The following MIER3 variants were observed in gnomAD, a reference collection of about 807,000 sequenced individuals.
MIER3 encodes the protein mesoderm induction early response protein 3.
MIER3 carries 9 observed loss-of-function variants against 63.2 expected under a neutral mutation model. The ratio of observed to expected loss-of-function variants is 0.14; its 90% CI spans 0.09 to 0.25. The LOEUF is 0.25. MIER3 is among the 10% of genes least tolerant of loss of function. The pLI is 1.00. For missense variants in MIER3, 512 were observed against 666.2 expected (o/e 0.77, Z 2.55); for synonymous variants, 205 against 224.9 (o/e 0.91, Z 0.79).
chr5:56,931,832 A>C (rs1262232185), intron 8 of MIER3, among the ~76,000 whole-genome samples: 1 of 152,212 alleles, frequency 6.6e-6, no homozygotes, highest in East Asian at 1.9e-4. Flanking sequence ...AAACCACTCC[A>C]TAAATGTATG....
chr5:56,935,141 A>C (rs1228057387), intron 7 of MIER3, among the ~76,000 whole-genome samples: 2 of 152,162 alleles, frequency 1.3e-5, no homozygotes, highest in Non-Finnish European at 2.9e-5. Context: ...GATGAAGGCC[A>C]AGGTACAGCA....
Position 56,921,491 on chromosome 5 carries a change from A to T in MIER3, c.*1637T>A, listed in dbSNP as rs1749671253. ...ACTTTTTGTCCACTGTGCTAAACTA[A>T]ATTTTATACTAATGTGCTACTGCGT... On this transcript the variant is annotated 3_prime_UTR_variant, in exon 13 of 13. Transcript: ENST00000381199. 5 of 152,750 alleles carry T rather than the reference A, an allele frequency of 3.3e-5. No homozygotes were observed. The South Asian group carries it at 1.0e-3, about 32-fold the overall frequency. The allele number at this position is 152,750 out of a possible 1,614,324, so 9.5% of individuals were successfully genotyped here.
intron 3 of MIER3, among the ~76,000 whole-genome samples, chr5:56,939,466 T>C (rs1750565786): frequency 6.6e-6 from 1 of 152,242 alleles, no homozygotes; most frequent in South Asian, 2.1e-4. Flanking sequence ...TTGCTGAATG[T>C]TTACTAACAT....
In MIER3 at chr5:56,935,688, T is replaced by C. The variant is rs926415322; in HGVS notation, c.500A>G (p.Asn167Ser). 1.2e-6 allele frequency: 2 copies of C among 1,614,050 alleles called. No individual in the cohort carries two copies. Among genetic ancestry groups the C allele is most frequent in the African/African-American group, 2.7e-5 (2 of 75,070 alleles). ...TACCTTCCTCAAATCTTCAGGTGAA[T>C]TACCACTGTCTGTTTCAACATCTTC... ...EVEDVETDSG[N>S]SPEDLRKEIM... The change falls in exon 6 of 13, where the codon AAT (asparagine) becomes AGT (serine). Residue 167 changes from asparagine (N) to serine (S), a missense_variant. By Grantham distance (46) the Asn-to-Ser change is conservative. Around this residue, in one of 5 missense-constraint regions of MIER3, gnomAD observed 118 missense variants for 133.6 expected, o/e 0.88. Coordinates refer to ENST00000381199, the MANE Select transcript of MIER3 (RefSeq NM_001297599.2).
At position 56,921,932 on chromosome 5, in the gene MIER3, AT is replaced by A. The variant is rs1186977735; in HGVS notation, c.*1195del. 1 of 152,586 alleles carries A rather than the reference AT, an allele frequency of 6.6e-6. No homozygotes were observed. Among genetic ancestry groups the A allele is most frequent in the Non-Finnish European group, 1.5e-5 (1 of 67,990 alleles). The allele number at this position is 152,586 out of a possible 1,614,324, so 9.5% of individuals were successfully genotyped here. On this transcript the variant is annotated 3_prime_UTR_variant, in exon 13 of 13. Transcript: ENST00000381199. The stretch of plus-strand genomic sequence containing the variant: ...AGGACAATGGCTTCTCATTCACAAT[AT>A]TTGGAATAAAAATAAAACTGAGTTT...
At chr5:56,930,583 T>C (rs252890) in intron 9 of MIER3, 81 bp downstream of exon 9, 654,075 of 1,134,892 alleles carry the variant, frequency 0.58, 200,211 homozygotes, top group Non-Finnish European at 0.65. Flanking sequence ...GATTGCTCTG[T>C]CCCTTAGGAT....
rs777014337 is a variant in MIER3 at position 56,929,005 on chromosome 5, A to ACACACACACACACT, written c.830-145_830-144insAGTGTGTGTGTGTG. ...CACTCTCTCTCTCACACACACACAC[A>ACACACACACACACT]CTCTCTCTCTCTCTCTCTCTCTGTA... On this transcript the variant is annotated intron_variant, in intron 9 of 12. Coordinates refer to ENST00000381199, the MANE Select transcript of MIER3 (RefSeq NM_001297599.2). The ACACACACACACACT allele has an allele frequency of 5.0e-3, 2,564 of 510,684 alleles. 72 individuals carry two copies. Among genetic ancestry groups the ACACACACACACACT allele is most frequent in the African/African-American group, 0.046 (2,301 of 49,910 alleles). The allele number at this position is 510,684 out of a possible 1,614,324, so 31.6% of individuals were successfully genotyped here.
intron 3 of MIER3, among the ~76,000 whole-genome samples, chr5:56,942,909 G>A (rs1297488409): frequency 2.0e-5 from 3 of 152,118 alleles, no homozygotes; most frequent in African/African-American, 4.8e-5. Flanking sequence ...ACTTTGGGAC[G>A]CCAAGGTAGG....
intron 1 of MIER3, 117 bp from the exon 2 acceptor site, chr5:56,950,769 C>A: frequency 8.7e-7 from 1 of 1,153,500 alleles, no homozygotes; most frequent in Non-Finnish European, 1.3e-6. Context: ...GCCAAAAGTG[C>A]AAGACGTAGC....
intron 3 of MIER3, among the ~76,000 whole-genome samples, chr5:56,946,389 A>C (rs1398496223): frequency 6.6e-6 from 1 of 152,206 alleles, no homozygotes; most frequent in African/African-American, 2.4e-5. Context: ...GGGGCTTAAA[A>C]AATTACAAAC....
chr5:56,932,143 C>T (rs576555346), intron 8 of MIER3, among the ~76,000 whole-genome samples: 6 of 152,174 alleles, frequency 3.9e-5, no homozygotes, highest in African/African-American at 1.4e-4. Flanking sequence ...GCCTCTAATC[C>T]CAGTTACTCG....
chr5:56,939,104 G>A (rs985405786), intron 3 of MIER3, 87 bp from the exon 4 acceptor site: 1 of 1,388,108 alleles, frequency 7.2e-7, no homozygotes, highest in Non-Finnish European at 9.6e-7. Context: ...GGTTCAGAAA[G>A]CACATTATCA....
chr5:56,939,055 G>A (rs1354159010), intron 3 of MIER3, 38 bp from the exon 4 acceptor site: 1 of 1,608,116 alleles, frequency 6.2e-7, no homozygotes, highest in African/African-American at 1.3e-5. Context: ...CTCAGCAGAT[G>A]TCACAATACT....
intron 3 of MIER3, among the ~76,000 whole-genome samples, chr5:56,939,458 GCTGAATGTTTA>G (rs1561241557): frequency 6.6e-6 from 1 of 152,110 alleles, no homozygotes; most frequent in African/African-American, 2.4e-5. Context: ...GAAAACCTTT[GCTGAATGTTTA>G]CTAACATCAG....
rs1749743189 is a variant in MIER3, at chr5:56,922,959, T to C, written c.*169A>G. The C allele has an allele frequency of 6.4e-6, 4 of 622,436 alleles. No individual in the cohort carries two copies. Among genetic ancestry groups the C allele is most frequent in the Non-Finnish European group, 8.3e-6 (3 of 360,514 alleles). The allele number at this position is 622,436 out of a possible 1,614,324, so 38.6% of individuals were successfully genotyped here. A position where few individuals can be genotyped will look rare whatever the true frequency, so the allele number is the denominator to read the frequency against. On this transcript the variant is annotated 3_prime_UTR_variant, in exon 13 of 13. Coordinates refer to ENST00000381199, the MANE Select transcript of MIER3 (RefSeq NM_001297599.2). ...CATAGTTCATTTCCACATTTATGGA[T>C]TGAAAAATGAAAATACTCTTGATAA...
At position 56,933,404 on chromosome 5, in the gene MIER3, A is replaced by G. The variant is rs753990850; in HGVS notation, c.596-6T>C. 8.4e-5 allele frequency: 135 copies of G among 1,598,284 alleles called. No individual in the cohort carries two copies. The highest frequency in any genetic ancestry group is 1.1e-4 in the Non-Finnish European group (130 of 1,174,324). On this transcript the variant is annotated splice_polypyrimidine_tract_variant and splice_region_variant and intron_variant, in intron 7 of 12. Coordinates refer to ENST00000381199, the MANE Select transcript of MIER3 (RefSeq NM_001297599.2). ...CTGGTCTTCGTTTTCATATACTGAT[A>G]AAGAAAATCCCATTAACACATTAAA...
At chr5:56,947,433 T>C (rs1371037772) in intron 2 of MIER3, among the ~76,000 whole-genome samples, 1 of 152,080 alleles carries the variant, frequency 6.6e-6, no homozygotes, top group African/African-American at 2.4e-5. Context: ...TAGCAAAATA[T>C]CAGAAAGATT....
In MIER3 at chr5:56,949,556, A is replaced by G. The variant is rs147085049; in HGVS notation, c.34+1072T>C. On this transcript the variant is annotated intron_variant, in intron 2 of 12. Transcript: ENST00000381199. ...TTAACAAAAATTTTTAGAATTTTAAAGATATAGACAGCTATTTTTAAAATA... is the reference window on the plus strand; with the variant it reads ...TTAACAAAAATTTTTAGAATTTTAAGGATATAGACAGCTATTTTTAAAATA... Among the ~76,000 whole-genome samples, 86 of 152,352 alleles carry G rather than the reference A, an allele frequency of 5.6e-4. No homozygotes were observed. The East Asian group carries it at 0.015, about 27-fold the overall frequency.
At chr5:56,941,980 C>T (rs1750662125) in intron 3 of MIER3, among the ~76,000 whole-genome samples, 2 of 151,850 alleles carry the variant, frequency 1.3e-5, no homozygotes, top group African/African-American at 4.8e-5. Context: ...TAACTTCTGC[C>T]AAGATAAAGA....
Sources: allele counts gnomAD v4.1 joint callset (sites outside exome capture counted in the v4.1 genomes callset), GRCh38; gene constraint gnomAD v4.1.1; regional missense constraint gnomAD v4.1.1; transcripts MANE v1.5; gene names NCBI Gene and HGNC (gene_info 2026-07-23, HGNC 2026-07-21).